Variants in CNTN3 observed in about 807,000 individuals in gnomAD.
CNTN3 encodes the protein contactin-3.
CNTN3 carries 60 observed loss-of-function variants against 119.1 expected under a neutral mutation model. That is an observed-to-expected ratio of 0.50 (90% CI 0.41 to 0.62). CNTN3 has a LOEUF of 0.62. Ranked by LOEUF, CNTN3 falls within the 20% of genes least tolerant of loss-of-function variation. The pLI is 0.00. For synonymous variants in CNTN3, 450 were observed against 438.7 expected, an observed-to-expected ratio of 1.03 and a Z score of -0.32; for missense variants, 1,101 against 1,242.4, an observed-to-expected ratio of 0.89 and a Z score of 1.71.
intron 22 of CNTN3, 46 bp downstream of exon 22, chr3:74,266,435 G>GTCC (rs1701661364): frequency 6.4e-7 from 1 of 1,561,016 alleles, no homozygotes; most frequent in Non-Finnish European, 8.8e-7. Context: ...ATGGCGGATA[G>GTCC]TAACACTGAT....
rs558956601 is a variant in CNTN3, at chr3:74,551,717, T to C, written c.-80-30525A>G. ...TCCACATAATTGGAATCATTTAGTA[T>C]GTAGTCTTCACAGATCTGCTTCTTC... On this transcript the variant is annotated intron_variant, in intron 1 of 22. Coordinates refer to ENST00000263665, the MANE Select transcript of CNTN3 (RefSeq NM_020872.3). Among the ~76,000 whole-genome samples, 185 of 113,608 alleles carry C rather than the reference T, an allele frequency of 1.6e-3. 1 individual carries two copies. Among genetic ancestry groups the C allele is most frequent in the Non-Finnish European group, 1.1e-3 (55 of 50,600 alleles). 74.5% of individuals were successfully genotyped at this position (113,608 alleles called of 152,430 possible).
intron 1 of CNTN3, among the ~76,000 whole-genome samples, chr3:74,549,086 T>C (rs920757171): frequency 6.6e-6 from 1 of 152,188 alleles, no homozygotes; most frequent in Non-Finnish European, 1.5e-5. Context: ...TCATGTTGAA[T>C]TGTGATCCCT....
rs116482526 is a variant in CNTN3, at chr3:74,335,626, C to A, written c.1493-716G>T. ...TAGTCAATTCCCTCTTTAACTCAGT[C>A]TAGCCAGATTTTGGTCCTCCCAACC... On this transcript the variant is annotated intron_variant, in intron 12 of 22. Coordinates refer to ENST00000263665, the MANE Select transcript of CNTN3 (RefSeq NM_020872.3). 8.5e-3 allele frequency among the ~76,000 whole-genome samples: 1,290 copies of A among 152,228 alleles called. 17 individuals carry two copies. Among genetic ancestry groups the A allele is most frequent in the African/African-American group, 0.028 (1,162 of 41,538 alleles).
At chr3:74,448,361 C>T (rs1216184450) in intron 4 of CNTN3, among the ~76,000 whole-genome samples, 8 of 152,128 alleles carry the variant, frequency 5.3e-5, no homozygotes, top group Admixed American at 5.2e-4. Context: ...GATTAAGACA[C>T]TTGTCTTGGC....
chr3:74,423,010 C>T (rs1488301003), intron 5 of CNTN3, among the ~76,000 whole-genome samples: 2 of 152,094 alleles, frequency 1.3e-5, no homozygotes, highest in African/African-American at 2.4e-5. Flanking sequence ...GGATATTTAG[C>T]ATTAAGGATC....
At chr3:74,306,331 A>C (rs1231366874) in intron 13 of CNTN3, among the ~76,000 whole-genome samples, 1 of 152,128 alleles carries the variant, frequency 6.6e-6, no homozygotes, top group Non-Finnish European at 1.5e-5. Context: ...AAATAATAAG[A>C]AACATATTTG....
intron 2 of CNTN3, among the ~76,000 whole-genome samples, chr3:74,512,884 G>C (rs948180989): frequency 7.4e-6 from 1 of 134,502 alleles, no homozygotes; most frequent in Non-Finnish European, 1.6e-5. Flanking sequence ...CTCTCGTTTT[G>C]TACATATGTC....
intron 11 of CNTN3, among the ~76,000 whole-genome samples, chr3:74,353,763 A>AAATT (rs933159859): frequency 1.1e-4 from 17 of 152,212 alleles, no homozygotes; most frequent in Admixed American, 3.9e-4. Flanking sequence ...CTCAAAAAAA[A>AAATT]AATTAATTAA....
At chr3:74,578,103 T>A (rs372189367) in intron 1 of CNTN3, among the ~76,000 whole-genome samples, 1 of 152,088 alleles carries the variant, frequency 6.6e-6, no homozygotes, top group African/African-American at 2.4e-5. Context: ...TATTAACTCC[T>A]TATTTAAGAA....
chr3:74,612,610 T>C (rs770293832), intron 1 of CNTN3, among the ~76,000 whole-genome samples: 18 of 152,326 alleles, frequency 1.2e-4, no homozygotes, highest in Admixed American at 3.3e-4. Context: ...GTCTCGGTTA[T>C]CCTACTTTTA....
At chr3:74,285,790 G>GATATGTGT (rs1702099889) in intron 19 of CNTN3, among the ~76,000 whole-genome samples, 1 of 56,514 alleles carries the variant, frequency 1.8e-5, no homozygotes, top group Non-Finnish European at 4.0e-5. Flanking sequence ...ATGAAGGGGA[G>GATATGTGT]ATATATATAT....
intron 5 of CNTN3, among the ~76,000 whole-genome samples, chr3:74,392,340 T>C (rs72896195): frequency 0.016 from 2,420 of 152,262 alleles, 53 homozygotes; most frequent in African/African-American, 0.055. Context: ...CTGTTTTCTT[T>C]CTTTCTTTTT....
At position 74,544,240 on chromosome 3, in the gene CNTN3, A is replaced by C. The variant is rs538274055; in HGVS notation, c.-80-23048T>G. The stretch of plus-strand genomic sequence containing the variant: ...TCAATATATTATGCTATGAACTTAA[A>C]ACCTTATGATATAACAATGTAACTG... On this transcript the variant is annotated intron_variant, in intron 1 of 22. Coordinates refer to ENST00000263665, the MANE Select transcript of CNTN3 (RefSeq NM_020872.3). Among the ~76,000 whole-genome samples, 6 of 152,314 alleles carry C rather than the reference A, an allele frequency of 3.9e-5. No individual in the cohort carries two copies. The South Asian group carries it at 1.2e-3, about 32-fold the overall frequency.
intron 4 of CNTN3, among the ~76,000 whole-genome samples, chr3:74,458,014 A>C (rs1034248107): frequency 7.9e-5 from 12 of 152,166 alleles, no homozygotes; most frequent in African/African-American, 2.9e-4. Flanking sequence ...TTGAAAATAA[A>C]AATAAGACTA....
chr3:74,399,995 A>G (rs1705153014), intron 5 of CNTN3, among the ~76,000 whole-genome samples: 1 of 152,208 alleles, frequency 6.6e-6, no homozygotes, highest in African/African-American at 2.4e-5. Context: ...GAGTAAGTGT[A>G]AAGTAAATGC....
intron 11 of CNTN3, among the ~76,000 whole-genome samples, chr3:74,357,226 G>A (rs987621997): frequency 2.0e-5 from 3 of 151,224 alleles, no homozygotes; most frequent in South Asian, 4.2e-4. Context: ...GTGCCTGGCC[G>A]ATTATTCAAA....
Position 74,301,452 on chromosome 3 carries a change from T to G in CNTN3, c.2041A>C (p.Ile681Leu). The G allele has an allele frequency of 6.2e-7, 1 of 1,614,140 alleles. No homozygotes were observed. The highest frequency in any genetic ancestry group is 8.5e-7 in the Non-Finnish European group (1 of 1,179,994). The part of the protein sequence containing the change: ...YEFRVVASNK[I>L]GGGEPSLPSE... ...GGTAAACTTGGTTCTCCACCTCCAA[T>G]TTTGTTACTGGCTACAACCCGAAAT... The change falls in exon 16 of 23, where the codon ATT (isoleucine) becomes CTT (leucine). Residue 681 changes from isoleucine to leucine, a missense_variant. By Grantham distance (5) the Ile-to-Leu change is conservative. Coordinates refer to ENST00000263665, the MANE Select transcript of CNTN3 (RefSeq NM_020872.3).
At chr3:74,473,263 T>G (rs1023528199) in intron 4 of CNTN3, among the ~76,000 whole-genome samples, 2 of 151,682 alleles carry the variant, frequency 1.3e-5, no homozygotes, top group African/African-American at 4.8e-5. Flanking sequence ...TCTGGTTATG[T>G]GAGGGGGTAG....
intron 4 of CNTN3, among the ~76,000 whole-genome samples, chr3:74,461,133 T>A (rs1036480442): frequency 1.3e-5 from 2 of 151,946 alleles, no homozygotes; most frequent in Admixed American, 1.3e-4. Flanking sequence ...CCCTCGCTGA[T>A]ATGATGTGTT....
Sources: gnomAD v4.1 joint callset for allele counts (sites outside exome capture counted in the v4.1 genomes callset) on GRCh38, gnomAD v4.1.1 for gene constraint, MANE v1.5 for transcripts, NCBI Gene and HGNC (gene_info 2026-07-23, HGNC 2026-07-21) for gene names.